CBFB: variants seen among roughly 807,000 people sequenced by gnomAD.
CBFB encodes the protein CBF-beta.
Under a neutral mutation model 30.4 loss-of-function variants are expected in CBFB, and 9 were observed. The ratio of observed to expected loss-of-function variants is 0.30; its 90% CI spans 0.18 to 0.52. The LOEUF (loss-of-function observed/expected upper bound fraction) is 0.52. Among genes scored for constraint, CBFB ranks in the 20% least tolerant of loss-of-function variants. The probability of loss-of-function intolerance (pLI) is 0.97; values close to 1 mark genes in which losing one functional copy is unlikely to be tolerated. For missense variants in CBFB, 170 were observed against 244.0 expected (o/e 0.70, Z 2.02); for synonymous variants, 94 against 84.0 (o/e 1.12, Z -0.65).
intron 3 of CBFB, among the ~76,000 whole-genome samples, chr16:67,049,360 C>T (rs2145728797): frequency 6.6e-6 from 1 of 152,094 alleles, no homozygotes; most frequent in African/African-American, 2.4e-5. Context: ...CCTGCCACCA[C>T]ACCCGGCTGA....
intron 2 of CBFB, among the ~76,000 whole-genome samples, chr16:67,031,587 T>G (rs933077127): frequency 7.2e-5 from 11 of 152,252 alleles, no homozygotes; most frequent in African/African-American, 2.4e-4. Flanking sequence ...CTTGGCTCGC[T>G]GCAACCTTCG....
intron 2 of CBFB, among the ~76,000 whole-genome samples, chr16:67,033,374 C>G (rs955420860): frequency 1.3e-5 from 2 of 152,200 alleles, no homozygotes; most frequent in African/African-American, 4.8e-5. Context: ...GGATCTTACT[C>G]TGTCACTCTG....
rs746957920 is a variant in CBFB at position 67,066,790 on chromosome 16, C to G, written c.391C>G (p.Arg131Gly). 2.5e-6 allele frequency: 4 copies of G among 1,587,756 alleles called. No individual in the cohort carries two copies. Among genetic ancestry groups the G allele is most frequent in the Non-Finnish European group, 3.5e-6 (4 of 1,158,534 alleles). Reference protein sequence around the residue: ...GMGCLEFDEERAQQEDALAQQ... With the variant: ...GMGCLEFDEEGAQQEDALAQQ... ...GGGCTGTCTGGAGTTTGATGAGGAG[C>G]GAGCCCAGGTAGGGTAACATCAGGC... The change falls in exon 4 of 6, where the codon CGA (arginine) becomes GGA (glycine). Residue 131 changes from arginine to glycine, a missense_variant. Coordinates refer to ENST00000412916, the MANE Select transcript of CBFB (RefSeq NM_022845.3).
At chr16:67,083,219 C>G (rs1263431574) in intron 5 of CBFB, among the ~76,000 whole-genome samples, 1 of 151,964 alleles carries the variant, frequency 6.6e-6, no homozygotes, top group African/African-American at 2.4e-5. Context: ...CCTTTGACAG[C>G]TACCCCAGCA....
At chr16:67,035,662 A>C (rs929593367) in intron 2 of CBFB, among the ~76,000 whole-genome samples, 3 of 152,216 alleles carry the variant, frequency 2.0e-5, no homozygotes, top group African/African-American at 7.2e-5. Context: ...CCCAAATGTG[A>C]ACCTCTTGAT....
intron 3 of CBFB, among the ~76,000 whole-genome samples, chr16:67,066,265 T>A (rs1233638276): frequency 6.6e-6 from 1 of 151,804 alleles, no homozygotes; most frequent in Non-Finnish European, 1.5e-5. Context: ...TCAAAGTGTC[T>A]GGCCGGGCAT....
At chr16:67,094,909 G>T (rs768714608) in intron 5 of CBFB, among the ~76,000 whole-genome samples, 4 of 152,118 alleles carry the variant, frequency 2.6e-5, no homozygotes, top group Non-Finnish European at 5.9e-5. Flanking sequence ...ACATGCTAGA[G>T]AAATATATCA....
chr16:67,033,539 C>A (rs1193316658), intron 2 of CBFB, among the ~76,000 whole-genome samples: 1 of 151,296 alleles, frequency 6.6e-6, no homozygotes, highest in African/African-American at 2.4e-5. Flanking sequence ...AGGCTGGTCT[C>A]CAACTGCTGG....
At chr16:67,073,257 G>A (rs191001259) in intron 4 of CBFB, among the ~76,000 whole-genome samples, 1 of 152,250 alleles carries the variant, frequency 6.6e-6, no homozygotes, top group Admixed American at 6.5e-5. Flanking sequence ...CACAGGTATT[G>A]TCTCTGCTTT....
intron 5 of CBFB, among the ~76,000 whole-genome samples, chr16:67,094,831 A>G (rs1038440030): frequency 6.6e-6 from 1 of 152,156 alleles, no homozygotes; most frequent in African/African-American, 2.4e-5. Flanking sequence ...GTGTACTATA[A>G]CCTATTTAAT....
chr16:67,037,771 C>A (rs1360489336), intron 3 of CBFB, among the ~76,000 whole-genome samples: 3 of 149,978 alleles, frequency 2.0e-5, no homozygotes, highest in Non-Finnish European at 4.4e-5. Flanking sequence ...GGGTTTTAAG[C>A]TATTCTCCTG....
intron 4 of CBFB, among the ~76,000 whole-genome samples, chr16:67,079,666 G>A (rs1243165917): frequency 6.6e-6 from 1 of 152,104 alleles, no homozygotes; most frequent in African/African-American, 2.4e-5. Flanking sequence ...TCCTAAGAAG[G>A]TGGAATGGTG....
chr16:67,069,215 A>C (rs1597146577), intron 4 of CBFB, among the ~76,000 whole-genome samples: 2 of 151,816 alleles, frequency 1.3e-5, no homozygotes, highest in African/African-American at 4.8e-5. Flanking sequence ...ACTCCATCTC[A>C]AAAAAAACGC....
At chr16:67,085,543 G>T (rs986181649) in intron 5 of CBFB, among the ~76,000 whole-genome samples, 13 of 151,430 alleles carry the variant, frequency 8.6e-5, no homozygotes, top group African/African-American at 3.2e-4. Context: ...TGCCCAGGCA[G>T]AAGTGCAGTG....
chr16:67,097,545 C>CAA (rs1416293585), intron 5 of CBFB, among the ~76,000 whole-genome samples: 11 of 48,832 alleles, frequency 2.3e-4, no homozygotes, highest in East Asian at 6.4e-4. Context: ...AACTCCGTCT[C>CAA]AAAAAAAAAA....
intron 4 of CBFB, among the ~76,000 whole-genome samples, chr16:67,072,774 CTT>C (rs764406221): frequency 3.0e-4 from 42 of 140,994 alleles, no homozygotes; most frequent in Non-Finnish European, 3.3e-4. Flanking sequence ...CCTCTTTTTT[CTT>C]TTTTTTTTTT....
chr16:67,091,947 C>T (rs1421175608), intron 5 of CBFB, among the ~76,000 whole-genome samples: 1 of 152,156 alleles, frequency 6.6e-6, no homozygotes, highest in East Asian at 1.9e-4. Context: ...GATCTCGGCT[C>T]ACCACAACCT....
chr16:67,036,440 T>C, intron 2 of CBFB, 199 bp from the exon 3 acceptor site: 2 of 511,290 alleles, frequency 3.9e-6, no homozygotes, highest in Non-Finnish European at 7.0e-6. Flanking sequence ...AAGCAGCCAA[T>C]GGCAAATGTC....
At chr16:67,093,826 G>A (rs1025762222) in intron 5 of CBFB, among the ~76,000 whole-genome samples, 1 of 152,136 alleles carries the variant, frequency 6.6e-6, no homozygotes, top group Non-Finnish European at 1.5e-5. Context: ...TAGGATGATG[G>A]AGTTCAGAGT....
Sources: allele counts gnomAD v4.1 joint callset (sites outside exome capture counted in the v4.1 genomes callset), GRCh38; gene constraint gnomAD v4.1.1; transcripts MANE v1.5; gene names NCBI Gene and HGNC (gene_info 2026-07-23, HGNC 2026-07-21).